The following FAT3 variants were observed in gnomAD, a reference collection of about 807,000 sequenced individuals.
The protein encoded by FAT3 is protocadherin Fat 3.
FAT3 carries 95 observed loss-of-function variants against 310.2 expected under a neutral mutation model. That is an observed-to-expected ratio of 0.31 (90% CI 0.26 to 0.36). FAT3 has a LOEUF of 0.36. Ranked by LOEUF, FAT3 falls within the 10% of genes least tolerant of loss-of-function variation. The probability of loss-of-function intolerance (pLI) is 1.00; values close to 1 mark genes in which losing one functional copy is unlikely to be tolerated. For synonymous variants in FAT3, 2,314 were observed against 2,192.9 expected (o/e 1.06, Z -1.54); for missense variants, 5,408 against 5,715.6 (o/e 0.95, Z 1.74).
At chr11:92,763,512 A>G (rs1403603266) in intron 5 of FAT3, among the ~76,000 whole-genome samples, 2 of 152,098 alleles carry the variant, frequency 1.3e-5, no homozygotes, top group South Asian at 2.1e-4. Context: ...TTGGCTGTCA[A>G]TGGCTCACAG....
chr11:92,697,283 C>G, intron 3 of FAT3, 101 bp from the exon 4 acceptor site: 1 of 918,706 alleles, frequency 1.1e-6, no homozygotes, highest in Non-Finnish European at 1.7e-6. Flanking sequence ...GTTACAGTTC[C>G]ATACCACTTT....
intron 1 of FAT3, among the ~76,000 whole-genome samples, chr11:92,287,324 C>G (rs556848644): frequency 3.9e-5 from 6 of 152,120 alleles, no homozygotes; most frequent in African/African-American, 1.2e-4. Context: ...GGCAGAAGAT[C>G]GTTTAAGTGG....
In FAT3 at chr11:92,896,310, AAAAAG is replaced by A. The variant is rs1246216058; in HGVS notation, c.*5212_*5216del. ...TCAGTCTTGTGTTCTTTTTCTAAAA[AAAAAG>A]AAAAGAAAAGAAAAAAAAAACAAAA... On this transcript the variant is annotated 3_prime_UTR_variant, in exon 28 of 28. Transcript: ENST00000525166. The A allele has an allele frequency of 8.0e-4, 122 of 151,818 alleles. No individual in the cohort carries two copies. The highest frequency in any genetic ancestry group is 2.8e-3 in the African/African-American group (114 of 41,426). The allele number at this position is 151,818 out of a possible 1,614,324, so 9.4% of individuals were successfully genotyped here.
intron 3 of FAT3, among the ~76,000 whole-genome samples, chr11:92,630,940 C>CT (rs1941536410): frequency 6.6e-6 from 1 of 152,138 alleles, no homozygotes; most frequent in African/African-American, 2.4e-5. Flanking sequence ...TAGCTCACAG[C>CT]TTTTTTGGAA....
chr11:92,642,203 C>T (rs1474426855), intron 3 of FAT3, among the ~76,000 whole-genome samples: 1 of 152,212 alleles, frequency 6.6e-6, no homozygotes, highest in Non-Finnish European at 1.5e-5. Context: ...GCCAGATCTG[C>T]CTGGGCTTTA....
chr11:92,319,947 G>A (rs907880850), intron 1 of FAT3, among the ~76,000 whole-genome samples: 4 of 152,128 alleles, frequency 2.6e-5, no homozygotes, highest in Admixed American at 1.3e-4. Flanking sequence ...GTCAAACACG[G>A]GTAAAGGAAG....
At chr11:92,580,265 C>T (rs1428899431) in intron 3 of FAT3, among the ~76,000 whole-genome samples, 2 of 151,988 alleles carry the variant, frequency 1.3e-5, no homozygotes. Context: ...ACTTAGATGC[C>T]TCAATATATC....
At chr11:92,446,844 C>A (rs1951224193) in intron 2 of FAT3, among the ~76,000 whole-genome samples, 1 of 152,120 alleles carries the variant, frequency 6.6e-6, no homozygotes, top group Admixed American at 6.5e-5. Flanking sequence ...TTACACCAAG[C>A]AAAACTACTT....
intron 7 of FAT3, among the ~76,000 whole-genome samples, chr11:92,783,799 A>G (rs1323700738): frequency 2.0e-5 from 3 of 152,208 alleles, no homozygotes; most frequent in Non-Finnish European, 4.4e-5. Context: ...AATAATAAAA[A>G]TGAAATTTTA....
At chr11:92,389,725 A>C (rs559352538) in intron 2 of FAT3, among the ~76,000 whole-genome samples, 21 of 152,306 alleles carry the variant, frequency 1.4e-4, no homozygotes, top group African/African-American at 5.1e-4. Flanking sequence ...TTTTACTGAT[A>C]ATAAAATAGA....
intron 4 of FAT3, among the ~76,000 whole-genome samples, chr11:92,757,018 G>A (rs897834502): frequency 1.7e-4 from 25 of 146,322 alleles, no homozygotes; most frequent in African/African-American, 5.9e-4. Flanking sequence ...TCCGCCTCCC[G>A]GGTTCAAGCA....
chr11:92,563,720 G>A (rs1955318782), intron 3 of FAT3, among the ~76,000 whole-genome samples: 1 of 152,020 alleles, frequency 6.6e-6, no homozygotes, highest in African/African-American at 2.4e-5. Flanking sequence ...AGAAGAGAGT[G>A]GGGGCCAAAA....
chr11:92,631,567 C>T (rs182586980), intron 3 of FAT3, among the ~76,000 whole-genome samples: 6 of 152,190 alleles, frequency 3.9e-5, no homozygotes, highest in Admixed American at 1.3e-4. Flanking sequence ...CCATGTAAGA[C>T]GTGCCTTTCT....
At chr11:92,329,053 T>C (rs952612051) in intron 1 of FAT3, among the ~76,000 whole-genome samples, 2 of 152,044 alleles carry the variant, frequency 1.3e-5, no homozygotes, top group African/African-American at 4.8e-5. Context: ...TTCACTATTC[T>C]AATCCCTCTT....
In FAT3 at chr11:92,778,138, G is replaced by A. The variant is rs1387189895; in HGVS notation, c.4335+3958G>A. On this transcript the variant is annotated intron_variant, in intron 7 of 27. Transcript: ENST00000525166. Reference sequence around the variant, plus strand: ...TGCACATGAGGTAGAATTTGTCAAGGGCTCTGTGGCCACACCAGGCCAAAG... The same window carrying A: ...TGCACATGAGGTAGAATTTGTCAAGAGCTCTGTGGCCACACCAGGCCAAAG... 3.9e-5 allele frequency among the ~76,000 whole-genome samples: 6 copies of A among 152,116 alleles called. No individual in the cohort carries two copies. In the East Asian group the frequency reaches 1.2e-3, roughly 30 times the overall value.
At chr11:92,478,053 A>G (rs1290796003) in intron 2 of FAT3, among the ~76,000 whole-genome samples, 3 of 152,242 alleles carry the variant, frequency 2.0e-5, no homozygotes. Context: ...AAAAGATTCC[A>G]GCATAGAGAA....
chr11:92,299,639 C>A (rs151210495), intron 1 of FAT3, among the ~76,000 whole-genome samples: 67 of 152,208 alleles, frequency 4.4e-4, no homozygotes, highest in African/African-American at 1.6e-3. Context: ...TTGACAATCA[C>A]AGCAGGAAAC....
intron 2 of FAT3, among the ~76,000 whole-genome samples, chr11:92,466,732 C>G (rs905000082): frequency 9.8e-6 from 1 of 101,892 alleles, no homozygotes; most frequent in African/African-American, 3.8e-5. Flanking sequence ...TCCCTCCCCC[C>G]TCCCCCCACC....
At position 92,506,743 on chromosome 11, in the gene FAT3, C is replaced by T. The variant is rs561561925; in HGVS notation, c.3293-17891C>T. Among the ~76,000 whole-genome samples the T allele has an allele frequency of 3.3e-5, 5 of 152,200 alleles. No homozygotes were observed. The South Asian group carries it at 8.3e-4, about 25-fold the overall frequency. On this transcript the variant is annotated intron_variant, in intron 2 of 27. Transcript: ENST00000525166. ...AAAAATTATCATGATTTTTCTTCCC[C>T]GGCTTGAAGAAACTGCATATCAATT...
Sources: gnomAD v4.1 joint callset for allele counts (sites outside exome capture counted in the v4.1 genomes callset) on GRCh38, gnomAD v4.1.1 for gene constraint, MANE v1.5 for transcripts, NCBI Gene and HGNC (gene_info 2026-07-23, HGNC 2026-07-21) for gene names.